Variants in PKP4 observed in about 807,000 individuals in gnomAD.
PKP4 encodes plakophilin 4, also known as plakophilin-4.
A neutral mutation model predicts 145.1 loss-of-function variants in PKP4; 90 were observed. That is an observed-to-expected ratio of 0.62 (90% CI 0.52 to 0.74). PKP4 has a LOEUF of 0.74. PKP4 is among the 30% of genes least tolerant of loss of function. The pLI is 0.00. For synonymous variants in PKP4, 563 were observed against 577.2 expected (o/e 0.98, Z 0.35); for missense variants, 1,340 against 1,482.7 (o/e 0.90, Z 1.58).
chr2:158,518,786 A>T (rs1559257549), intron 1 of PKP4, among the ~76,000 whole-genome samples: 1 of 152,192 alleles, frequency 6.6e-6, no homozygotes, highest in Non-Finnish European at 1.5e-5. Context: ...TTGCCTTCAT[A>T]TTTGAATCAT....
chr2:158,518,023 T>C (rs1282889112), intron 1 of PKP4, among the ~76,000 whole-genome samples: 3 of 152,238 alleles, frequency 2.0e-5, no homozygotes, highest in Non-Finnish European at 4.4e-5. Flanking sequence ...TGATGGTTAT[T>C]TCAGGTAGTA....
At chr2:158,632,875 G>A (rs1042342737) in intron 8 of PKP4, among the ~76,000 whole-genome samples, 2 of 152,088 alleles carry the variant, frequency 1.3e-5, no homozygotes, top group African/African-American at 4.8e-5. Flanking sequence ...GTAAATTGAG[G>A]AATTCCTTTA....
chr2:158,579,159 C>T (rs2048113685), intron 3 of PKP4, among the ~76,000 whole-genome samples: 1 of 152,120 alleles, frequency 6.6e-6, no homozygotes, highest in Admixed American at 6.5e-5. Context: ...AAAATGGCAC[C>T]ACTAAAGATG....
Position 158,661,322 on chromosome 2 carries a change from C to T in PKP4, c.2094-11C>T. 1 of 1,601,412 alleles carries T rather than the reference C, an allele frequency of 6.2e-7. No homozygotes were observed. Among genetic ancestry groups the T allele is most frequent in the Non-Finnish European group, 8.6e-7 (1 of 1,169,112 alleles). ...TCATCTCAGCAGCTCCTCCTGTCTC[C>T]ACCCCTTTAGGAACCTCAGCTCCGC... On this transcript the variant is annotated splice_polypyrimidine_tract_variant and intron_variant, in intron 12 of 21. Transcript: ENST00000389759.
chr2:158,661,378 C>A lies in PKP4; in HGVS notation c.2139C>A (p.Ser713=), dbSNP rs144290922. 456 of 1,613,944 alleles carry A rather than the reference C, an allele frequency of 2.8e-4. No homozygotes were observed. The African/African-American group carries it at 5.5e-3, about 19-fold the overall frequency. ...AAGAAGCTCGGAAGCAAATGCGGTC[C>A]TGCGAGGGGCTGGTAGACTCACTGT... ...AGEEARKQMR[S]CEGLVDSLLY... The change falls in exon 13 of 22, where the codon TCC becomes TCA. Residue 713 remains serine (S), a synonymous_variant. Coordinates refer to ENST00000389759, the MANE Select transcript of PKP4 (RefSeq NM_003628.6).
intron 11 of PKP4, among the ~76,000 whole-genome samples, chr2:158,648,873 C>G (rs1010160465): frequency 1.4e-5 from 2 of 141,914 alleles, no homozygotes; most frequent in African/African-American, 5.0e-5. Flanking sequence ...GTGGCACATG[C>G]CTGTAATCCA....
intron 3 of PKP4, among the ~76,000 whole-genome samples, chr2:158,595,832 A>AG (rs2049680725): frequency 6.6e-6 from 1 of 152,016 alleles, no homozygotes; most frequent in Admixed American, 6.6e-5. Flanking sequence ...TTCCTTGGGG[A>AG]GGGGAAAAAA....
rs531655986 is a variant in PKP4 at position 158,618,098 on chromosome 2, A to C, written c.281-2892A>C. ...CTCAGGAGGCTGAGGCACGAGAATCACTTGAGCCCAGGAGGCAGAGATTGC... is the reference window on the plus strand; with the variant it reads ...CTCAGGAGGCTGAGGCACGAGAATCCCTTGAGCCCAGGAGGCAGAGATTGC... On this transcript the variant is annotated intron_variant, in intron 4 of 21. Transcript: ENST00000389759. Among the ~76,000 whole-genome samples the C allele has an allele frequency of 2.0e-5, 3 of 152,280 alleles. No homozygotes were observed. The South Asian group carries it at 6.2e-4, about 32-fold the overall frequency.
chr2:158,502,438 A>G (rs1245211129), intron 1 of PKP4, among the ~76,000 whole-genome samples: 1 of 152,200 alleles, frequency 6.6e-6, no homozygotes, highest in Non-Finnish European at 1.5e-5. Flanking sequence ...TGGAAATTTT[A>G]GCTTAAATTG....
At position 158,663,348 on chromosome 2, in the gene PKP4, TA is replaced by T; in HGVS notation, c.2484del (p.Lys828AsnfsTer4). On this transcript the variant is annotated frameshift_variant, in exon 15 of 22. Coordinates refer to ENST00000389759, the MANE Select transcript of PKP4 (RefSeq NM_003628.6). LOFTEE classifies it high-confidence loss of function. ...GVEMLWHPSV[V>X]KPYLTLLAES... ...GAGATGCTGTGGCACCCATCGGTGG[TA>T]AAACCATATCTGACTCTTCTAGCAG... 1 of 1,614,020 alleles carries T rather than the reference TA, an allele frequency of 6.2e-7. No homozygotes were observed. Among genetic ancestry groups the T allele is most frequent in the Non-Finnish European group, 8.5e-7 (1 of 1,179,962 alleles).
At chr2:158,558,687 A>G (rs1047002719) in intron 2 of PKP4, among the ~76,000 whole-genome samples, 1 of 152,172 alleles carries the variant, frequency 6.6e-6, no homozygotes, top group Non-Finnish European at 1.5e-5. Flanking sequence ...TGGAAAGGGA[A>G]ACAGGAACTG....
In PKP4 at chr2:158,646,458, GTCACAATATAAA is replaced by G. The variant is rs138642661; in HGVS notation, c.1909+3762_1909+3773del. Among the ~76,000 whole-genome samples the G allele has an allele frequency of 4.8e-3, 731 of 152,270 alleles. 2 individuals carry two copies. Among genetic ancestry groups the G allele is most frequent in the African/African-American group, 0.016 (667 of 41,558 alleles). On this transcript the variant is annotated intron_variant, in intron 11 of 21. Coordinates refer to ENST00000389759, the MANE Select transcript of PKP4 (RefSeq NM_003628.6). ...ACATTGTCTAACTAACATGAAACAAGTCACAATATAAATCTAGCATAGTTGCTTTTTTTGTGT... is the reference window on the plus strand; with the variant it reads ...ACATTGTCTAACTAACATGAAACAAGTCTAGCATAGTTGCTTTTTTTGTGT...
intron 16 of PKP4, chr2:158,669,252 A>G (rs1239500915): frequency 6.6e-6 from 1 of 152,546 alleles, no homozygotes; most frequent in Non-Finnish European, 1.5e-5. Flanking sequence ...AGATCCAGAA[A>G]GATCTAACGA....
chr2:158,674,772 A>G (rs1407844937), intron 19 of PKP4, among the ~76,000 whole-genome samples: 1 of 152,242 alleles, frequency 6.6e-6, no homozygotes, highest in Non-Finnish European at 1.5e-5. Flanking sequence ...AGGAAAAATA[A>G]TAAGTATCTT....
At chr2:158,478,080 C>T (rs1206350246) in intron 1 of PKP4, among the ~76,000 whole-genome samples, 1 of 152,082 alleles carries the variant, frequency 6.6e-6, no homozygotes, top group Non-Finnish European at 1.5e-5. Flanking sequence ...GGTTAGAGAT[C>T]TTAAATTTGC....
intron 2 of PKP4, among the ~76,000 whole-genome samples, chr2:158,571,518 T>C (rs1472352626): frequency 2.6e-5 from 4 of 152,184 alleles, no homozygotes; most frequent in Non-Finnish European, 4.4e-5. Context: ...TGTGGAGGAA[T>C]ACATAGTCTT....
At chr2:158,475,773 C>G (rs1236282563) in intron 1 of PKP4, among the ~76,000 whole-genome samples, 2 of 152,182 alleles carry the variant, frequency 1.3e-5, no homozygotes, top group East Asian at 3.9e-4. Flanking sequence ...CAGTGCACCC[C>G]TTATGGACTT....
intron 1 of PKP4, among the ~76,000 whole-genome samples, chr2:158,494,750 C>T (rs1470716980): frequency 1.3e-5 from 2 of 152,070 alleles, no homozygotes; most frequent in African/African-American, 4.8e-5. Flanking sequence ...TATTTGCTTG[C>T]TCTTTAACTT....
In PKP4 at chr2:158,642,695, T is replaced by A; in HGVS notation, c.1905T>A (p.Val635=). The change falls in exon 11 of 22, where the codon GTT becomes GTA. Residue 635 remains valine, a synonymous_variant. Coordinates refer to ENST00000389759, the MANE Select transcript of PKP4 (RefSeq NM_003628.6). ...KSIDAEVREL[V]TGVLWNLSSC... ...TTGATGCAGAAGTAAGGGAGCTTGT[T>A]ACAGGTAGGTATAGAATGTGATCTC... 1.3e-6 allele frequency: 2 copies of A among 1,595,464 alleles called. No individual in the cohort carries two copies. Among genetic ancestry groups the A allele is most frequent in the Non-Finnish European group, 1.7e-6 (2 of 1,168,250 alleles).
Sources: gnomAD v4.1 joint callset for allele counts (sites outside exome capture counted in the v4.1 genomes callset) on GRCh38, gnomAD v4.1.1 for gene constraint, MANE v1.5 for transcripts, NCBI Gene and HGNC (gene_info 2026-07-23, HGNC 2026-07-21) for gene names.